The following BTG4 variants were observed in gnomAD, a reference collection of about 807,000 sequenced individuals.
BTG4 encodes the protein protein BTG4.
A neutral mutation model predicts 19.3 loss-of-function variants in BTG4; 10 were observed. The ratio of observed to expected loss-of-function variants is 0.52; its 90% CI spans 0.32 to 0.88. The LOEUF is 0.88. BTG4 is among the 40% of genes least tolerant of loss of function. BTG4 has a pLI of 0.04. For missense variants in BTG4, 238 were observed against 281.9 expected (o/e 0.84, Z 1.11); for synonymous variants, 91 against 95.7 (o/e 0.95, Z 0.29).
the BTG4 span, among the ~76,000 whole-genome samples, chr11:111,400,766 T>C: frequency 6.6e-6 from 1 of 152,186 alleles, no homozygotes; most frequent in Non-Finnish European, 1.5e-5. Flanking sequence ...TGACCAATGT[T>C]AATGTCATCT....
downstream of BTG4, among the ~76,000 whole-genome samples, chr11:111,492,663 A>G (rs1430292160): frequency 6.6e-6 from 1 of 152,244 alleles, no homozygotes. Context: ...TTGGGAGGAT[A>G]CTGATAACTA....
At chr11:111,408,554 G>A in the BTG4 span, among the ~76,000 whole-genome samples, 3 of 152,180 alleles carry the variant, frequency 2.0e-5, no homozygotes, top group Non-Finnish European at 2.9e-5. Context: ...AGACAAACAG[G>A]GGACCAGGTG....
At chr11:111,392,834 G>A in the BTG4 span, among the ~76,000 whole-genome samples, 2 of 152,160 alleles carry the variant, frequency 1.3e-5, no homozygotes, top group Non-Finnish European at 2.9e-5. Flanking sequence ...CACCAACCTT[G>A]TCTCCTCTGG....
At chr11:111,403,625 C>T in the BTG4 span, among the ~76,000 whole-genome samples, 2 of 152,148 alleles carry the variant, frequency 1.3e-5, no homozygotes, top group Admixed American at 1.3e-4. Flanking sequence ...CTCCCTTGCC[C>T]CCTGCAAACT....
chr11:111,480,653 C>A (rs1292186881), intron 5 of BTG4, among the ~76,000 whole-genome samples: 1 of 151,582 alleles, frequency 6.6e-6, no homozygotes, highest in Non-Finnish European at 1.5e-5. Flanking sequence ...TAACAAAAAC[C>A]GGTAAATCTC....
At chr11:111,487,025 C>T (rs1865107050) in intron 5 of BTG4, among the ~76,000 whole-genome samples, 1 of 152,048 alleles carries the variant, frequency 6.6e-6, no homozygotes, top group African/African-American at 2.4e-5. Context: ...TCCCTGTGTC[C>T]ACGTGTTCTC....
At chr11:111,450,330 T>C in the BTG4 span, 8 of 152,666 alleles carry the variant, frequency 5.2e-5, no homozygotes, top group Non-Finnish European at 1.0e-4. Flanking sequence ...CTGCCTCTTT[T>C]CGTTTCCAGG....
chr11:111,493,499 T>G (rs1383678950), downstream of BTG4, among the ~76,000 whole-genome samples: 1 of 152,228 alleles, frequency 6.6e-6, no homozygotes, highest in African/African-American at 2.4e-5. Context: ...TAAAGCCTAA[T>G]ACTTACACCC....
the BTG4 span, among the ~76,000 whole-genome samples, chr11:111,403,117 T>C: frequency 6.6e-6 from 1 of 152,204 alleles, no homozygotes; most frequent in Admixed American, 6.5e-5. Flanking sequence ...CAGTGGTATT[T>C]ATGCCCATCA....
chr11:111,490,601 C>A (rs1348380137), downstream of BTG4, among the ~76,000 whole-genome samples: 1 of 152,060 alleles, frequency 6.6e-6, no homozygotes, highest in African/African-American at 2.4e-5. Flanking sequence ...TAGAAAATGG[C>A]CAGAAGACTT....
At chr11:111,466,649 C>T (rs554162818), downstream of BTG4, 1 of 152,662 alleles carries the variant, frequency 6.6e-6, no homozygotes, top group African/African-American at 2.4e-5. Context: ...TGCAATAAAC[C>T]TTTTCCTAAA....
rs1256465515 is a variant in BTG4 at position 111,484,341 on chromosome 11, A to G, written c.662+10822T>C. The stretch of plus-strand genomic sequence containing the variant: ...CTAACACTGTAGTTGCTCTAACAGT[A>G]TAGTTGCACTAACAGTGTCATATAA... On this transcript the variant is annotated intron_variant, in intron 5 of 5. Transcript: ENST00000356018. 2.6e-5 allele frequency among the ~76,000 whole-genome samples: 4 copies of G among 152,324 alleles called. No homozygotes were observed. The East Asian group carries it at 7.7e-4, about 29-fold the overall frequency.
chr11:111,482,267 T>C (rs1210565199), intron 5 of BTG4, among the ~76,000 whole-genome samples: 1 of 152,050 alleles, frequency 6.6e-6, no homozygotes, highest in Non-Finnish European at 1.5e-5. Context: ...AATCTAAAAA[T>C]CATGTACAAG....
chr11:111,453,436 C>G, the BTG4 span: 4 of 456,546 alleles, frequency 8.8e-6, no homozygotes, highest in Non-Finnish European at 1.8e-5. Context: ...GAGCTGGGCT[C>G]GGAAGGCTGC....
intron 5 of BTG4, among the ~76,000 whole-genome samples, chr11:111,487,572 C>T (rs975369236): frequency 2.6e-5 from 4 of 152,072 alleles, no homozygotes; most frequent in Admixed American, 2.6e-4. Context: ...CCACTTTCAC[C>T]ATTTTTATTC....
the BTG4 span, chr11:111,456,460 C>T: frequency 2.2e-6 from 1 of 454,168 alleles, no homozygotes; most frequent in Non-Finnish European, 4.4e-6. The surrounding 1 kb of genome is among the most constrained non-coding windows in gnomAD (Gnocchi z 4.2). Context: ...CGCATGTTCC[C>T]TCTCCCACCG....
intron 5 of BTG4, among the ~76,000 whole-genome samples, chr11:111,477,985 C>T (rs1020631612): frequency 2.0e-5 from 3 of 152,118 alleles, no homozygotes; most frequent in Non-Finnish European, 4.4e-5. Context: ...GAGCAGAGAA[C>T]TGGGAATTTT....
At chr11:111,490,657 C>A (rs1474189384), downstream of BTG4, among the ~76,000 whole-genome samples, 1 of 152,210 alleles carries the variant, frequency 6.6e-6, no homozygotes, top group South Asian at 2.1e-4. Flanking sequence ...CAAATGAGCA[C>A]AAGATGTTCA....
the BTG4 span, among the ~76,000 whole-genome samples, chr11:111,446,454 A>G: frequency 2.6e-5 from 4 of 152,212 alleles, no homozygotes; most frequent in African/African-American, 9.7e-5. Flanking sequence ...TTAGAAAGGC[A>G]GAATCTTGGG....
Sources: allele counts gnomAD v4.1 joint callset (sites outside exome capture counted in the v4.1 genomes callset), GRCh38; gene constraint gnomAD v4.1.1; non-coding constraint Gnocchi (gnomAD v3.1); transcripts MANE v1.5; gene names NCBI Gene and HGNC (gene_info 2026-07-23, HGNC 2026-07-21).